The following ZNF609 variants were observed in gnomAD, a reference collection of about 807,000 sequenced individuals.
ZNF609 encodes zinc finger protein 609.
In ZNF609, 11 loss-of-function variants were observed where a neutral mutation model predicts 109.5. The observed-to-expected ratio is 0.10, with a 90% CI of 0.06 to 0.17. The LOEUF is 0.17. Ranked by LOEUF, ZNF609 falls within the 10% of genes least tolerant of loss-of-function variation. The pLI is 1.00. For missense variants in ZNF609, 1,559 were observed against 1,772.4 expected (o/e 0.88, Z 2.16); for synonymous variants, 646 against 662.0 (o/e 0.98, Z 0.37).
chr15:64,645,422 G>GT (rs1017835813), intron 3 of ZNF609, among the ~76,000 whole-genome samples: 3 of 150,994 alleles, frequency 2.0e-5, no homozygotes, highest in African/African-American at 7.3e-5. Context: ...ACTAGCAACT[G>GT]TTTTTTCCTC....
At chr15:64,640,213 A>C (rs1194180670) in intron 3 of ZNF609, among the ~76,000 whole-genome samples, 1 of 151,686 alleles carries the variant, frequency 6.6e-6, no homozygotes, top group Non-Finnish European at 1.5e-5. Context: ...ATTTTATTTT[A>C]CTTTTTGTAG....
At position 64,681,371 on chromosome 15, in the gene ZNF609, C is replaced by T. The variant is rs1238673166; in HGVS notation, c.4225C>T (p.Pro1409Ser). 6.2e-7 allele frequency: 1 copy of T among 1,613,926 alleles called. No homozygotes were observed. Among genetic ancestry groups the T allele is most frequent in the East Asian group, 2.2e-5 (1 of 44,902 alleles). Residue 1409 changes from proline (P) to serine (S), a missense_variant, in exon 9 of 10, where the codon CCC becomes TCC. Pro to Ser is a moderately conservative substitution (Grantham distance 74, BLOSUM62 -1). Coordinates refer to ENST00000326648, the MANE Select transcript of ZNF609 (RefSeq NM_015042.2). ...QGSTPSLYPP[P>S]RR ...CTCAACTCCCTCACTCTACCCACCC[C>T]CCAGGAGGTGAGAATGGTAAGTCAC...
intron 2 of ZNF609, among the ~76,000 whole-genome samples, chr15:64,561,305 C>T (rs1373136075): frequency 2.0e-5 from 3 of 152,112 alleles, no homozygotes; most frequent in Non-Finnish European, 4.4e-5. Flanking sequence ...TTTTTCTCTT[C>T]TAGAGAAATC....
chr15:64,603,470 T>C (rs1199629835), intron 2 of ZNF609, among the ~76,000 whole-genome samples: 1 of 151,680 alleles, frequency 6.6e-6, no homozygotes, highest in East Asian at 2.0e-4. Context: ...GGTTTCTCCA[T>C]GTCGCCCAGG....
At chr15:64,636,326 A>C (rs1224059754) in intron 3 of ZNF609, among the ~76,000 whole-genome samples, 1 of 152,222 alleles carries the variant, frequency 6.6e-6, no homozygotes, top group Non-Finnish European at 1.5e-5. Flanking sequence ...CCATAGCAAC[A>C]AGCTATATGA....
At chr15:64,491,526 A>G (rs477966) in intron 1 of ZNF609, among the ~76,000 whole-genome samples, 112,988 of 152,110 alleles carry the variant, frequency 0.74, 45,491 homozygotes, top group East Asian at 0.96. Context: ...GGTTAGAACA[A>G]CTGGCAAAAG....
intron 2 of ZNF609, among the ~76,000 whole-genome samples, chr15:64,603,699 A>C (rs1258109321): frequency 6.6e-6 from 1 of 151,948 alleles, no homozygotes; most frequent in Non-Finnish European, 1.5e-5. Flanking sequence ...TGTTGAATTT[A>C]TCCCTTAAGA....
At chr15:64,503,505 C>CT (rs1043984577) in intron 2 of ZNF609, among the ~76,000 whole-genome samples, 1 of 152,148 alleles carries the variant, frequency 6.6e-6, no homozygotes, top group African/African-American at 2.4e-5. Context: ...TGTCGCCACT[C>CT]TGACAGGCAA....
rs773698617 is a variant in ZNF609, at chr15:64,680,262, C to A, written c.3847C>A (p.Arg1283=). The A allele has an allele frequency of 1.2e-6, 2 of 1,614,178 alleles. No individual in the cohort carries two copies. The highest frequency in any genetic ancestry group is 1.7e-6 in the Non-Finnish European group (2 of 1,180,032). Residue 1283 remains arginine, a synonymous_variant, in exon 7 of 10, where the codon CGA becomes AGA. Transcript: ENST00000326648. The part of the protein sequence containing the change: ...VSGGEDADKA[R]ASPSVTCKSS... Reference sequence around the variant, plus strand: ...AGGTGGTGAAGATGCTGACAAGGCACGAGCCAGCCCCAGTGTGACTTGTAA... The same window carrying A: ...AGGTGGTGAAGATGCTGACAAGGCAAGAGCCAGCCCCAGTGTGACTTGTAA...
At chr15:64,576,991 CACATAAAT>C (rs1894975143) in intron 2 of ZNF609, among the ~76,000 whole-genome samples, 5 of 129,934 alleles carry the variant, frequency 3.8e-5, no homozygotes, top group African/African-American at 1.4e-4. Flanking sequence ...TGTATGTATA[CACATAAAT>C]ATATATATGT....
intron 2 of ZNF609, among the ~76,000 whole-genome samples, chr15:64,614,310 A>G (rs1895765167): frequency 6.6e-6 from 1 of 151,266 alleles, no homozygotes; most frequent in African/African-American, 2.4e-5. Flanking sequence ...GGCTCACTGC[A>G]AGCTCCGCCT....
At chr15:64,671,985 C>A (rs996405386) in intron 4 of ZNF609, among the ~76,000 whole-genome samples, 9 of 149,316 alleles carry the variant, frequency 6.0e-5, no homozygotes, top group South Asian at 2.1e-4. Context: ...AGATGCTGGG[C>A]CAGGTTTCTA....
At chr15:64,484,952 C>T (rs932059989) in intron 1 of ZNF609, among the ~76,000 whole-genome samples, 8 of 151,968 alleles carry the variant, frequency 5.3e-5, no homozygotes, top group Admixed American at 2.0e-4. Flanking sequence ...CCAGCTTGGG[C>T]GACAGCGAGA....
chr15:64,571,178 G>A (rs1325588273), intron 2 of ZNF609, among the ~76,000 whole-genome samples: 4 of 152,166 alleles, frequency 2.6e-5, no homozygotes, highest in Non-Finnish European at 5.9e-5. Flanking sequence ...ATCCAAGAGG[G>A]GAAAATAGGA....
chr15:64,637,094 C>T (rs1274305237), intron 3 of ZNF609, among the ~76,000 whole-genome samples: 1 of 152,156 alleles, frequency 6.6e-6, no homozygotes, highest in Non-Finnish European at 1.5e-5. Flanking sequence ...GGTAACCAAT[C>T]TCATTGTTAA....
At chr15:64,507,412 A>G (rs1451784505) in intron 2 of ZNF609, among the ~76,000 whole-genome samples, 1 of 152,012 alleles carries the variant, frequency 6.6e-6, no homozygotes, top group African/African-American at 2.4e-5. Flanking sequence ...TGGCTGTCTG[A>G]GCCCTCTCTC....
At chr15:64,580,029 G>C (rs1895071930) in intron 2 of ZNF609, among the ~76,000 whole-genome samples, 2 of 152,182 alleles carry the variant, frequency 1.3e-5, no homozygotes, top group Middle Eastern at 3.2e-3. Context: ...AGGATTTTGA[G>C]GTGGGGGGAT....
At position 64,678,369 on chromosome 15, in the gene ZNF609, C is replaced by T. The variant is rs750435482; in HGVS notation, c.3656C>T (p.Thr1219Ile). The T allele has an allele frequency of 1.9e-6, 3 of 1,614,010 alleles. No individual in the cohort carries two copies. Among genetic ancestry groups the T allele is most frequent in the South Asian group, 2.2e-5 (2 of 91,092 alleles). ...CATGTGCCTGTGTCCTCCCCACTTACCCAGCACCAGTCCTACATCCCCTAC... is the reference window on the plus strand; with the variant it reads ...CATGTGCCTGTGTCCTCCCCACTTATCCAGCACCAGTCCTACATCCCCTAC... ...SVHVPVSSPL[T>I]QHQSYIPYMH... Residue 1219 changes from threonine (T) to isoleucine (I), a missense_variant, in exon 6 of 10, where the codon ACC (threonine) becomes ATC (isoleucine). This residue lies in a region of ZNF609 where 1,204 missense variants were observed against 1,314.1 expected (regional missense o/e 0.92). Transcript: ENST00000326648.
chr15:64,641,956 C>T (rs916398428), intron 3 of ZNF609, among the ~76,000 whole-genome samples: 1 of 152,082 alleles, frequency 6.6e-6, no homozygotes, highest in East Asian at 1.9e-4. Flanking sequence ...TTGGAAGACT[C>T]GTACGTAATT....
Sources: gnomAD v4.1 joint callset for allele counts (sites outside exome capture counted in the v4.1 genomes callset) on GRCh38, gnomAD v4.1.1 for gene constraint, gnomAD v4.1.1 regional missense constraint, MANE v1.5 for transcripts, NCBI Gene and HGNC (gene_info 2026-07-23, HGNC 2026-07-21) for gene names.